RUVBL1: variants seen among roughly 807,000 people sequenced by gnomAD.
The protein encoded by RUVBL1 is ruvB-like 1.
Under a neutral mutation model 52.4 loss-of-function variants are expected in RUVBL1, and 4 were observed. That is an observed-to-expected ratio of 0.08 (90% CI 0.04 to 0.17). The LOEUF (loss-of-function observed/expected upper bound fraction) is 0.17. Ranked by LOEUF, RUVBL1 falls within the 10% of genes least tolerant of loss-of-function variation. RUVBL1 has a pLI of 1.00. For missense variants in RUVBL1, 298 were observed against 572.8 expected, an observed-to-expected ratio of 0.52 and a Z score of 4.90; for synonymous variants, 217 against 214.4, an observed-to-expected ratio of 1.01 and a Z score of -0.10.
chr3:128,077,187 T>C (rs1399581523), downstream of RUVBL1, among the ~76,000 whole-genome samples: 1 of 152,054 alleles, frequency 6.6e-6, no homozygotes, highest in Non-Finnish European at 1.5e-5. Flanking sequence ...TTAATCACCG[T>C]GCCTGCCGCC....
chr3:128,132,198 C>A (rs921054590), intron 1 of RUVBL1, among the ~76,000 whole-genome samples: 8 of 152,232 alleles, frequency 5.3e-5, no homozygotes, highest in African/African-American at 2.4e-5. Flanking sequence ...TTTAGACAAG[C>A]CCTAGCCAGA....
rs1943706591 is a variant in RUVBL1 at position 128,123,459 on chromosome 3, C to T, written c.141+125G>A. 4 of 1,237,670 alleles carry T rather than the reference C, an allele frequency of 3.2e-6. No individual in the cohort carries two copies. The East Asian group carries it at 1.1e-4, about 34-fold the overall frequency. The allele number at this position is 1,237,670 out of a possible 1,614,324, so 76.7% of individuals were successfully genotyped here. ...CCGAGCCCCTGGCCCATTTTCACTT[C>T]CCTGAGGAAATAATGGCGGGAGACC... On this transcript the variant is annotated intron_variant, in intron 1 of 10. Coordinates refer to ENST00000322623, the MANE Select transcript of RUVBL1 (RefSeq NM_003707.3).
intron 4 of RUVBL1, among the ~76,000 whole-genome samples, chr3:128,102,629 G>T (rs1943131301): frequency 6.6e-6 from 1 of 152,246 alleles, no homozygotes; most frequent in Admixed American, 6.5e-5. Flanking sequence ...TATATGAAAT[G>T]TCCAAAAGAA....
chr3:128,106,596 A>G (rs1227770078), intron 3 of RUVBL1, among the ~76,000 whole-genome samples: 1 of 152,120 alleles, frequency 6.6e-6, no homozygotes, highest in East Asian at 1.9e-4. Flanking sequence ...GATTGCCCAC[A>G]CCTGAGCTGA....
intron 8 of RUVBL1, among the ~76,000 whole-genome samples, chr3:128,090,622 C>T (rs1942810667): frequency 6.6e-6 from 1 of 152,194 alleles, no homozygotes. Flanking sequence ...TTTCCAGCAA[C>T]GAATGTCTTT....
At chr3:128,087,406 T>A (rs1942680094) in intron 9 of RUVBL1, among the ~76,000 whole-genome samples, 1 of 152,252 alleles carries the variant, frequency 6.6e-6, no homozygotes, top group Non-Finnish European at 1.5e-5. Flanking sequence ...TATCATCATG[T>A]TGATTTTTTC....
intron 8 of RUVBL1, among the ~76,000 whole-genome samples, chr3:128,088,992 G>C (rs9812487): frequency 0.23 from 35,093 of 151,980 alleles, 4,122 homozygotes; most frequent in South Asian, 0.27. Flanking sequence ...CTAATTTATA[G>C]AGCTACACAT....
chr3:128,134,212 C>A (rs1373435770), intron 1 of RUVBL1, among the ~76,000 whole-genome samples: 1 of 152,048 alleles, frequency 6.6e-6, no homozygotes, highest in Non-Finnish European at 1.5e-5. Context: ...TCTGTAATCC[C>A]AGCACTTTGG....
intron 8 of RUVBL1, among the ~76,000 whole-genome samples, chr3:128,092,541 G>T (rs1212641888): frequency 6.6e-6 from 1 of 151,892 alleles, no homozygotes; most frequent in Non-Finnish European, 1.5e-5. Flanking sequence ...AATGGGCAAA[G>T]GATGTGAATA....
chr3:128,081,617 C>A lies in RUVBL1; in HGVS notation c.1212-208G>T, dbSNP rs1344465831. The A allele has an allele frequency of 5.7e-5, 32 of 556,750 alleles. No homozygotes were observed. Among genetic ancestry groups the A allele is most frequent in the East Asian group, 5.2e-4 (18 of 34,870 alleles). 34.5% of individuals were successfully genotyped at this position (556,750 alleles called of 1,614,324 possible). A position where few individuals can be genotyped will look rare whatever the true frequency, so the allele number is the denominator to read the frequency against. On this transcript the variant is annotated intron_variant, in intron 10 of 10. Transcript: ENST00000322623. The surrounding 1 kb of genome is among the most constrained non-coding windows in gnomAD (Gnocchi z 4.8). ...CCCATCAGAGAGGGTCCAGGAGCCA[C>A]CAAGAAGACATAAGTGCTATTCCCC...
At chr3:128,113,717 G>A (rs557287344) in intron 2 of RUVBL1, among the ~76,000 whole-genome samples, 5 of 151,976 alleles carry the variant, frequency 3.3e-5, no homozygotes, top group South Asian at 2.1e-4. Context: ...ATCCACATAC[G>A]TGGAACCCAC....
At chr3:128,066,089 G>A (rs900061817) in intron 9 of RUVBL1, among the ~76,000 whole-genome samples, 16 of 152,088 alleles carry the variant, frequency 1.1e-4, no homozygotes, top group African/African-American at 3.6e-4. Context: ...CCTGTTCTAG[G>A]TACTGGGAGC....
Position 128,112,572 on chromosome 3 carries a change from T to G in RUVBL1, c.361+316A>C, listed in dbSNP as rs184651627. On this transcript the variant is annotated intron_variant, in intron 3 of 10. Transcript: ENST00000322623. ...TTGAGTCCAAAACCTTTTCAGTGGATAGTCATCTCTAATGGCAAAATAAGA... is the reference window on the plus strand; with the variant it reads ...TTGAGTCCAAAACCTTTTCAGTGGAGAGTCATCTCTAATGGCAAAATAAGA... Among the ~76,000 whole-genome samples the G allele has an allele frequency of 2.4e-3, 363 of 152,308 alleles. 13 individuals are homozygous for G. Among genetic ancestry groups the G allele is most frequent in the Middle Eastern group, 3.4e-3 (1 of 294 alleles).
intron 9 of RUVBL1, among the ~76,000 whole-genome samples, chr3:128,065,903 G>A (rs1323908712): frequency 5.3e-5 from 8 of 151,596 alleles, no homozygotes; most frequent in Non-Finnish European, 7.4e-5. Context: ...CACCACGCCC[G>A]GCTAATTTTT....
chr3:128,081,321 T>C lies in RUVBL1; in HGVS notation c.1300A>G (p.Ser434Gly). 1.9e-6 allele frequency: 3 copies of C among 1,614,256 alleles called. No homozygotes were observed. The highest frequency in any genetic ancestry group is 2.5e-6 in the Non-Finnish European group (3 of 1,180,052). The change falls in exon 11 of 11, where the codon AGT (serine) becomes GGT (glycine). Residue 434 changes from serine (S) to glycine (G), a missense_variant. Physicochemically the swap from Ser to Gly is moderately conservative, Grantham distance 56. This residue lies in a region of RUVBL1 where 161 missense variants were observed against 298.3 expected (regional missense o/e 0.54). Coordinates refer to ENST00000322623, the MANE Select transcript of RUVBL1 (RefSeq NM_003707.3). This position sits in a 1 kb window ranked among gnomAD's most constrained non-coding sequence, Gnocchi z 4.8. ...SIEKEHVEEI[S>G]ELFYDAKSSA... is the part of the protein sequence containing the mutation. ...GACTTGGCATCATAGAAAAGTTCAC[T>C]GATCTCTTCGACATGCTCTTTCTCA...
intron 9 of RUVBL1, chr3:128,075,080 G>A (rs2878507): frequency 0.23 from 35,067 of 152,022 alleles, 4,116 homozygotes; most frequent in South Asian, 0.27. Context: ...CAAAGGGGGT[G>A]CACTATTCCT....
chr3:128,074,366 C>T (rs1205364346), intron 9 of RUVBL1, among the ~76,000 whole-genome samples: 4 of 139,370 alleles, frequency 2.9e-5, no homozygotes, highest in Non-Finnish European at 4.8e-5. Context: ...GCAGGAAAAC[C>T]TAATCTATTG....
At chr3:128,136,355 G>A (rs1029880245) in intron 1 of RUVBL1, among the ~76,000 whole-genome samples, 2 of 152,166 alleles carry the variant, frequency 1.3e-5, no homozygotes, top group African/African-American at 4.8e-5. Context: ...AGACCTGCCA[G>A]GTGTGGTGGC....
At chr3:128,080,797 G>A (rs530354902), downstream of RUVBL1, among the ~76,000 whole-genome samples, 5 of 152,246 alleles carry the variant, frequency 3.3e-5, no homozygotes, top group Admixed American at 2.6e-4. Flanking sequence ...AAGGACATTA[G>A]GTAAAACTGA....
Sources: gnomAD v4.1 joint callset for allele counts (sites outside exome capture counted in the v4.1 genomes callset) on GRCh38, gnomAD v4.1.1 for gene constraint, gnomAD v4.1.1 regional missense constraint, Gnocchi (gnomAD v3.1) non-coding constraint, MANE v1.5 for transcripts, NCBI Gene and HGNC (gene_info 2026-07-23, HGNC 2026-07-21) for gene names.